WIF1: variants seen among roughly 807,000 people sequenced by gnomAD.
The protein encoded by WIF1 is Wnt inhibitory factor 1.
In WIF1, 35 loss-of-function variants were observed where a neutral mutation model predicts 53.5. That is an observed-to-expected ratio of 0.65 (90% CI 0.50 to 0.87). The LOEUF is 0.87. Among genes scored for constraint, WIF1 ranks in the 40% least tolerant of loss-of-function variants. The probability of loss-of-function intolerance (pLI) is 0.00; values close to 1 mark genes in which losing one functional copy is unlikely to be tolerated. For missense variants in WIF1, 467 were observed against 476.8 expected, an observed-to-expected ratio of 0.98 and a Z score of 0.19; for synonymous variants, 171 against 170.4, an observed-to-expected ratio of 1.00 and a Z score of -0.03.
At chr12:65,069,252 T>C (rs1157573054) in intron 3 of WIF1, among the ~76,000 whole-genome samples, 1 of 152,182 alleles carries the variant, frequency 6.6e-6, no homozygotes, top group Non-Finnish European at 1.5e-5. Flanking sequence ...TACGTCAGTG[T>C]AGCATGGGAA....
chr12:65,099,635 C>T (rs937069130), intron 2 of WIF1, among the ~76,000 whole-genome samples: 1 of 152,194 alleles, frequency 6.6e-6, no homozygotes, highest in Non-Finnish European at 1.5e-5. Flanking sequence ...AGCTCTTTGG[C>T]TGCCTGGGTA....
chr12:65,065,428 G>A (rs1053321028), intron 6 of WIF1, among the ~76,000 whole-genome samples: 1 of 152,158 alleles, frequency 6.6e-6, no homozygotes, highest in African/African-American at 2.4e-5. Context: ...ATCTAGGAAT[G>A]AGATGGATAA....
intron 3 of WIF1, among the ~76,000 whole-genome samples, chr12:65,075,423 A>AT (rs900817622): frequency 8.5e-5 from 13 of 152,138 alleles, no homozygotes; most frequent in African/African-American, 2.2e-4. Context: ...ATAAGACTAA[A>AT]TTTTTTTTAA....
chr12:65,120,935 T>G, intron 1 of WIF1, 109 bp downstream of exon 1: 1 of 1,309,742 alleles, frequency 7.6e-7, no homozygotes, highest in Non-Finnish European at 9.9e-7. Flanking sequence ...GGAACACTCT[T>G]TTGTGGAAAT....
At chr12:65,068,647 C>A in intron 4 of WIF1, 117 bp downstream of exon 4, 2 of 1,141,740 alleles carry the variant, frequency 1.8e-6, no homozygotes, top group Non-Finnish European at 2.3e-6. Context: ...ATCCAAAAAA[C>A]CATGTGTGTG....
At chr12:65,112,241 GT>G (rs1883441942) in intron 2 of WIF1, among the ~76,000 whole-genome samples, 1 of 152,086 alleles carries the variant, frequency 6.6e-6, no homozygotes. Context: ...TAGTGTAGAA[GT>G]TGAGAATAGA....
chr12:65,096,400 C>A (rs1883205673), intron 2 of WIF1, among the ~76,000 whole-genome samples: 1 of 152,150 alleles, frequency 6.6e-6, no homozygotes, highest in South Asian at 2.1e-4. Context: ...AATAGGAATG[C>A]TTTTACACTG....
At chr12:65,111,265 AC>A (rs1465809571) in intron 2 of WIF1, among the ~76,000 whole-genome samples, 1 of 152,100 alleles carries the variant, frequency 6.6e-6, no homozygotes, top group Admixed American at 6.5e-5. Context: ...CCTCAAAACT[AC>A]CCTCCACCCT....
At chr12:65,103,070 G>A (rs1222917812) in intron 2 of WIF1, among the ~76,000 whole-genome samples, 1 of 151,980 alleles carries the variant, frequency 6.6e-6, no homozygotes, top group African/African-American at 2.4e-5. Flanking sequence ...TATCGACTGG[G>A]CCCTTATATA....
intron 2 of WIF1, among the ~76,000 whole-genome samples, chr12:65,082,477 A>G (rs1882964395): frequency 6.6e-6 from 1 of 152,208 alleles, no homozygotes; most frequent in South Asian, 2.1e-4. Context: ...TTTGTATTCA[A>G]ACAAAGAATG....
chr12:65,082,087 A>G (rs1166748141), intron 2 of WIF1, among the ~76,000 whole-genome samples: 1 of 152,134 alleles, frequency 6.6e-6, no homozygotes, highest in Non-Finnish European at 1.5e-5. Context: ...AAAAGCCACA[A>G]GAAATGGCTG....
intron 3 of WIF1, among the ~76,000 whole-genome samples, chr12:65,073,846 T>A (rs6581606): frequency 6.6e-6 from 1 of 151,956 alleles, no homozygotes; most frequent in African/African-American, 2.4e-5. Context: ...ACAAACAAAT[T>A]CTACATCTGC....
Position 65,116,756 on chromosome 12 carries a change from A to G in WIF1, c.288+3661T>C, listed in dbSNP as rs548798608. ...AAGACCAGCCTGGCCAACATGGTGA[A>G]ACCCCGTCTCTACTAAAGATACAAA... On this transcript the variant is annotated intron_variant, in intron 2 of 9. Transcript: ENST00000286574. Among the ~76,000 whole-genome samples, 3 of 151,548 alleles carry G rather than the reference A, an allele frequency of 2.0e-5. No individual in the cohort carries two copies. The East Asian group carries it at 5.8e-4, about 29-fold the overall frequency.
chr12:65,109,783 T>G (rs1883402972), intron 2 of WIF1, among the ~76,000 whole-genome samples: 1 of 152,224 alleles, frequency 6.6e-6, no homozygotes, highest in Non-Finnish European at 1.5e-5. Flanking sequence ...TGTTTCCTCG[T>G]CTACAAATTG....
rs528662632 is a variant in WIF1 at position 65,100,807 on chromosome 12, G to A, written c.288+19610C>T. 3.3e-5 allele frequency among the ~76,000 whole-genome samples: 5 copies of A among 152,110 alleles called. No homozygotes were observed. The South Asian group carries it at 1.0e-3, about 32-fold the overall frequency. ...AGGCTGAGGTAAAAGGATCACTTGA[G>A]CCCAGGAGTTCAAGACTAGCCTGGG... On this transcript the variant is annotated intron_variant, in intron 2 of 9. Coordinates refer to ENST00000286574, the MANE Select transcript of WIF1 (RefSeq NM_007191.5).
intron 2 of WIF1, 51 bp downstream of exon 2, chr12:65,120,366 A>T (rs368538185): frequency 1.2e-5 from 19 of 1,581,596 alleles, no homozygotes; most frequent in Non-Finnish European, 1.5e-5. Context: ...TACTATTTCC[A>T]CCTGCCATAA....
At chr12:65,051,660 C>G (rs1882444137) in intron 9 of WIF1, among the ~76,000 whole-genome samples, 190 bp from the exon 10 acceptor site, 1 of 152,196 alleles carries the variant, frequency 6.6e-6, no homozygotes, top group Non-Finnish European at 1.5e-5. Flanking sequence ...CTCCATGAAA[C>G]CAGGTTTCCA....
chr12:65,120,788 CA>C, intron 1 of WIF1: 3 of 770,888 alleles, frequency 3.9e-6, no homozygotes, highest in Non-Finnish European at 3.8e-6. Flanking sequence ...TTAACCGACG[CA>C]AAAAAATGCC....
chr12:65,056,160 C>T (rs374132736), intron 7 of WIF1, 34 bp from the exon 8 acceptor site: 2 of 1,588,490 alleles, frequency 1.3e-6, no homozygotes, highest in Admixed American at 1.7e-5. Context: ...AAACAAGGAA[C>T]CTGGTGCTTC....
Sources: allele counts gnomAD v4.1 joint callset (sites outside exome capture counted in the v4.1 genomes callset), GRCh38; gene constraint gnomAD v4.1.1; transcripts MANE v1.5; gene names NCBI Gene and HGNC (gene_info 2026-07-23, HGNC 2026-07-21).